The following SCN10A variants were observed in gnomAD, a reference collection of about 807,000 sequenced individuals.
SCN10A encodes sodium voltage-gated channel alpha subunit 10, also known as sodium channel protein type 10 subunit alpha.
A neutral mutation model predicts 170.7 loss-of-function variants in SCN10A; 162 were observed. The observed-to-expected ratio is 0.95, with a 90% CI of 0.84 to 1.08. The LOEUF (loss-of-function observed/expected upper bound fraction) is 1.08, where lower values mean the gene tolerates loss of function less well. Among genes scored for constraint, SCN10A ranks in the 50% least tolerant of loss-of-function variants. SCN10A has a pLI of 0.00. For missense variants in SCN10A, 2,527 were observed against 2,436.9 expected (o/e 1.04, Z -0.78); for synonymous variants, 985 against 904.6 (o/e 1.09, Z -1.59).
intron 1 of SCN10A, among the ~76,000 whole-genome samples, chr3:38,813,283 T>C (rs551646436): frequency 1.3e-5 from 2 of 152,250 alleles, no homozygotes; most frequent in East Asian, 3.9e-4. Flanking sequence ...GAACAAAGTG[T>C]CTCCAATAGG....
At chr3:38,803,900 C>A (rs1449951153) in intron 1 of SCN10A, among the ~76,000 whole-genome samples, 1 of 152,168 alleles carries the variant, frequency 6.6e-6, no homozygotes, top group Non-Finnish European at 1.5e-5. Flanking sequence ...GTCTAATTCT[C>A]ATCACAGCCA....
At chr3:38,729,607 CA>C (rs1450628146) in intron 15 of SCN10A, among the ~76,000 whole-genome samples, 1 of 152,148 alleles carries the variant, frequency 6.6e-6, no homozygotes, top group Non-Finnish European at 1.5e-5. Flanking sequence ...GATGAAGTCT[CA>C]AAAGTCTTCA....
intron 15 of SCN10A, 101 bp downstream of exon 15, chr3:38,739,414 C>T: frequency 2.8e-6 from 3 of 1,077,586 alleles, no homozygotes; most frequent in Non-Finnish European, 4.0e-6. Flanking sequence ...CCCACAAGGA[C>T]AGGAGAGGAA....
rs1252015062 is a variant in SCN10A at position 38,714,227 on chromosome 3, G to C, written c.3682-147C>G. 8 of 921,910 alleles carry C rather than the reference G, an allele frequency of 8.7e-6. No homozygotes were observed. In the East Asian group the frequency reaches 1.8e-4, roughly 20 times the overall value. The allele number at this position is 921,910 out of a possible 1,614,324, so 57.1% of individuals were successfully genotyped here. ...CCCACCTTATTCGGAACTCCAATGA[G>C]AGGTCTAGAAAGAGTTTTGTCTCTT... On this transcript the variant is annotated intron_variant, in intron 21 of 27. Transcript: ENST00000449082.
chr3:38,750,174 G>A lies in SCN10A; in HGVS notation c.1766C>T (p.Ala589Val), dbSNP rs757978975. ...TGACAAGAAAGTCTTCTTTTGTCCT[G>A]CATCGAATGCCTGTTGAGACACAAA... is the stretch of plus-strand genomic sequence containing the variant. ...PGAVDVSAFD[A>V]GQKKTFLSAE... is the part of the protein sequence containing the mutation. Residue 589 changes from alanine to valine, a missense_variant, in exon 13 of 28, where the codon GCA becomes GTA. Transcript: ENST00000449082. 2 of 1,605,364 alleles carry A rather than the reference G, an allele frequency of 1.2e-6. No individual in the cohort carries two copies. Among genetic ancestry groups the A allele is most frequent in the Non-Finnish European group, 1.7e-6 (2 of 1,172,704 alleles).
At chr3:38,718,166 G>C (rs924521111) in intron 21 of SCN10A, among the ~76,000 whole-genome samples, 1 of 152,220 alleles carries the variant, frequency 6.6e-6, no homozygotes, top group Admixed American at 6.5e-5. Flanking sequence ...CACCACCCAA[G>C]ACCAATAAGA....
At chr3:38,745,485 C>G (rs1469392167) in intron 13 of SCN10A, among the ~76,000 whole-genome samples, 1 of 152,070 alleles carries the variant, frequency 6.6e-6, no homozygotes, top group Non-Finnish European at 1.5e-5. Flanking sequence ...CAAACAAAAA[C>G]TCCCCCAAAC....
At chr3:38,814,256 C>T (rs755263044) in intron 1 of SCN10A, among the ~76,000 whole-genome samples, 3 of 152,020 alleles carry the variant, frequency 2.0e-5, no homozygotes, top group Non-Finnish European at 4.4e-5. Flanking sequence ...AAGAATACAG[C>T]AATTTAAGAG....
intron 4 of SCN10A, among the ~76,000 whole-genome samples, chr3:38,782,566 A>G (rs2064151290): frequency 6.6e-6 from 1 of 152,086 alleles, no homozygotes; most frequent in Non-Finnish European, 1.5e-5. Context: ...TCTATCTTCC[A>G]TATTTAACCA....
At chr3:38,761,064 C>T (rs1404273744) in intron 7 of SCN10A, 128 bp downstream of exon 7, 6 of 747,212 alleles carry the variant, frequency 8.0e-6, no homozygotes, top group Admixed American at 2.7e-5. Flanking sequence ...TCAAGAGAAC[C>T]ATTTTGGCAG....
rs781118074 is a variant in SCN10A at position 38,698,484 on chromosome 3, C to T, written c.4736G>A (p.Arg1579Gln). The T allele has an allele frequency of 7.0e-5, 113 of 1,614,036 alleles. No homozygotes were observed. The highest frequency in any genetic ancestry group is 2.5e-4 in the South Asian group (23 of 91,078). ...PTLFRVIRLA[R>Q]IGRILRLIRA... ...GATCAGTCTGAGGATGCGGCCAATT[C>T]GGGCCAGGCGGATGACTCTGAAGAG... The change falls in exon 28 of 28, where the codon CGA (arginine) becomes CAA (glutamine). Residue 1579 changes from arginine to glutamine, a missense_variant. Physicochemically the swap from Arg to Gln is conservative, Grantham distance 43. Coordinates refer to ENST00000449082, the MANE Select transcript of SCN10A (RefSeq NM_006514.4).
chr3:38,787,379 C>A (rs541747884), intron 4 of SCN10A, among the ~76,000 whole-genome samples: 2 of 152,240 alleles, frequency 1.3e-5, no homozygotes, highest in Admixed American at 1.3e-4. Context: ...AGCTACCTTA[C>A]TATACTCTTT....
chr3:38,754,213 A>C (rs1000647257), intron 11 of SCN10A, among the ~76,000 whole-genome samples: 1 of 152,226 alleles, frequency 6.6e-6, no homozygotes, highest in Non-Finnish European at 1.5e-5. Context: ...GATCCCAATT[A>C]TGCCTTCCTC....
At chr3:38,776,512 T>C (rs575400838) in intron 4 of SCN10A, among the ~76,000 whole-genome samples, 1 of 152,260 alleles carries the variant, frequency 6.6e-6, no homozygotes, top group South Asian at 2.1e-4. Flanking sequence ...TGCCTATGAT[T>C]AACTCCATGT....
At chr3:38,752,941 G>A (rs2063765395) in intron 11 of SCN10A, among the ~76,000 whole-genome samples, 1 of 152,210 alleles carries the variant, frequency 6.6e-6, no homozygotes, top group Non-Finnish European at 1.5e-5. Flanking sequence ...CTTGGTAAGT[G>A]GTTGTTGAAT....
chr3:38,748,571 C>T (rs2063716351), intron 13 of SCN10A, among the ~76,000 whole-genome samples: 3 of 152,092 alleles, frequency 2.0e-5, no homozygotes, highest in South Asian at 2.1e-4. Flanking sequence ...GCGTATTTTG[C>T]CTGAGTTGTA....
chr3:38,727,105 C>T, intron 16 of SCN10A, 53 bp from the exon 17 acceptor site: 1 of 1,533,628 alleles, frequency 6.5e-7, no homozygotes, highest in Non-Finnish European at 8.9e-7. Flanking sequence ...CTGAGCCCCA[C>T]ATTGGCCTAC....
intron 4 of SCN10A, among the ~76,000 whole-genome samples, chr3:38,777,333 A>G (rs1402590255): frequency 2.0e-5 from 3 of 152,082 alleles, no homozygotes; most frequent in Non-Finnish European, 4.4e-5. Flanking sequence ...AAATCACTAT[A>G]TAGAAATTAA....
Position 38,797,113 on chromosome 3 carries a change from C to T in SCN10A, c.-32-3071G>A, listed in dbSNP as rs114088928. ...CTATTGACATTTTAAAGCTCACACA[C>T]CCCAAAGTCAAGCAGATGGTGGCAG... is the stretch of plus-strand genomic sequence containing the variant. On this transcript the variant is annotated intron_variant, in intron 1 of 27. Coordinates refer to ENST00000449082, the MANE Select transcript of SCN10A (RefSeq NM_006514.4). Among the ~76,000 whole-genome samples the T allele has an allele frequency of 4.4e-3, 673 of 152,004 alleles. 6 individuals carry two copies. The highest frequency in any genetic ancestry group is 0.015 in the African/African-American group (616 of 41,470).
Sources: gnomAD v4.1 joint callset for allele counts (sites outside exome capture counted in the v4.1 genomes callset) on GRCh38, gnomAD v4.1.1 for gene constraint, MANE v1.5 for transcripts, NCBI Gene and HGNC (gene_info 2026-07-23, HGNC 2026-07-21) for gene names.